ADGRB3: variants seen among roughly 807,000 people sequenced by gnomAD.
ADGRB3 encodes the protein adhesion G protein-coupled receptor B3, also known as brain-specific angiogenesis inhibitor 3.
In ADGRB3, 37 loss-of-function variants were observed where a neutral mutation model predicts 193.4. The ratio of observed to expected loss-of-function variants is 0.19; its 90% confidence interval spans 0.15 to 0.25. The LOEUF is 0.25. Among genes scored for constraint, ADGRB3 ranks in the 10% least tolerant of loss-of-function variants. The pLI, the probability that ADGRB3 is intolerant of heterozygous loss-of-function variation, is 1.00. For synonymous variants in ADGRB3, 690 were observed against 644.2 expected (o/e 1.07, Z -1.08); for missense variants, 1,637 against 1,852.9 (o/e 0.88, Z 2.14).
intron 4 of ADGRB3, among the ~76,000 whole-genome samples, chr6:68,934,997 G>C (rs1207273780): frequency 6.6e-6 from 1 of 152,144 alleles, no homozygotes; most frequent in Non-Finnish European, 1.5e-5. Context: ...TGTCATCCCA[G>C]TTACTATTGT....
Position 69,283,362 on chromosome 6 carries a change from C to A in ADGRB3, c.2815-41510C>A, listed in dbSNP as rs188615423. Among the ~76,000 whole-genome samples the A allele has an allele frequency of 2.8e-4, 43 of 152,240 alleles. No individual in the cohort carries two copies. In the East Asian group the frequency reaches 5.2e-3, roughly 19 times the overall value. On this transcript the variant is annotated intron_variant, in intron 20 of 31. Coordinates refer to ENST00000370598, the MANE Select transcript of ADGRB3 (RefSeq NM_001704.3). ...CCTGCAGACAATTTCATGCTTCACC[C>A]TTTTTCTCAAGGATTGGAGAGGGAG...
chr6:68,845,709 G>C (rs190693549), intron 3 of ADGRB3, among the ~76,000 whole-genome samples: 4 of 152,190 alleles, frequency 2.6e-5, no homozygotes, highest in South Asian at 4.2e-4. Flanking sequence ...TTCACCCTCT[G>C]CCATGATTGT....
chr6:68,698,189 T>C (rs1184741589), intron 3 of ADGRB3, among the ~76,000 whole-genome samples: 1 of 151,950 alleles, frequency 6.6e-6, no homozygotes, highest in Non-Finnish European at 1.5e-5. Context: ...ACAAATTATA[T>C]TTTGATTTCA....
chr6:68,708,270 T>G (rs1765357843), intron 3 of ADGRB3, among the ~76,000 whole-genome samples: 1 of 152,178 alleles, frequency 6.6e-6, no homozygotes, highest in Admixed American at 6.5e-5. Flanking sequence ...CCAAGCTATA[T>G]TATGTTCAAC....
chr6:69,353,125 G>A (rs1381676343), intron 26 of ADGRB3, among the ~76,000 whole-genome samples: 1 of 152,174 alleles, frequency 6.6e-6, no homozygotes, highest in African/African-American at 2.4e-5. Context: ...GGAAAGAACA[G>A]GCTGATGCTG....
chr6:69,290,643 G>T (rs1184443607), intron 20 of ADGRB3, among the ~76,000 whole-genome samples: 1 of 152,110 alleles, frequency 6.6e-6, no homozygotes, highest in Non-Finnish European at 1.5e-5. Flanking sequence ...CTATCACATA[G>T]TTTTTCTCTG....
At chr6:69,047,350 AT>A (rs1420754202) in intron 13 of ADGRB3, among the ~76,000 whole-genome samples, 4 of 151,354 alleles carry the variant, frequency 2.6e-5, no homozygotes, top group Non-Finnish European at 5.9e-5. Context: ...ATTTATCATC[AT>A]AGTTTTATTA....
chr6:69,126,531 G>T (rs1361807905), intron 17 of ADGRB3, among the ~76,000 whole-genome samples: 1 of 152,152 alleles, frequency 6.6e-6, no homozygotes, highest in Non-Finnish European at 1.5e-5. Context: ...ATATCTGAGG[G>T]CAAGAGAAGA....
intron 3 of ADGRB3, among the ~76,000 whole-genome samples, chr6:68,702,841 A>G (rs1582134289): frequency 6.6e-6 from 1 of 152,206 alleles, no homozygotes; most frequent in African/African-American, 2.4e-5. Flanking sequence ...TGGCTGATAC[A>G]TTCGACTGAA....
In ADGRB3 at chr6:68,902,326, T is replaced by C. The variant is rs1389919167; in HGVS notation, c.758-28233T>C. 7.9e-5 allele frequency among the ~76,000 whole-genome samples: 12 copies of C among 152,106 alleles called. 1 individual carries two copies. The highest frequency in any genetic ancestry group is 2.4e-5 in the African/African-American group (1 of 41,450). ...ATTTTTAAGACAATAAATCAAGCCATCTGTAGTAATTTTTTTTTCTGCTTA... is the reference window on the plus strand; with the variant it reads ...ATTTTTAAGACAATAAATCAAGCCACCTGTAGTAATTTTTTTTTCTGCTTA... On this transcript the variant is annotated intron_variant, in intron 3 of 31. Transcript: ENST00000370598.
At position 69,335,809 on chromosome 6, in the gene ADGRB3, A is replaced by C. The variant is rs188441880; in HGVS notation, c.3188+2801A>C. ...ACATATATCAAGCATTTGTTTTACA[A>C]CTAGGTTGTTATTAAAAACCAAATA... On this transcript the variant is annotated intron_variant, in intron 24 of 31. Coordinates refer to ENST00000370598, the MANE Select transcript of ADGRB3 (RefSeq NM_001704.3). 2.4e-4 allele frequency among the ~76,000 whole-genome samples: 36 copies of C among 152,218 alleles called. 1 individual carries two copies. The highest frequency in any genetic ancestry group is 8.2e-4 in the African/African-American group (34 of 41,586).
chr6:69,063,211 T>C (rs1337786213), intron 16 of ADGRB3, among the ~76,000 whole-genome samples, 175 bp downstream of exon 16: 1 of 152,064 alleles, frequency 6.6e-6, no homozygotes, highest in Non-Finnish European at 1.5e-5. Context: ...GCTTTTTTCA[T>C]GATAAAATTC....
At chr6:69,330,453 G>A in intron 22 of ADGRB3, 53 bp from the exon 23 acceptor site, 2 of 1,414,374 alleles carry the variant, frequency 1.4e-6, no homozygotes, top group Non-Finnish European at 2.0e-6. Context: ...ACACGTTAGT[G>A]GTCTAATACT....
chr6:68,998,682 C>G (rs1446596903), intron 11 of ADGRB3, among the ~76,000 whole-genome samples: 4 of 151,960 alleles, frequency 2.6e-5, no homozygotes, highest in Non-Finnish European at 4.4e-5. Context: ...TTTTTGATGC[C>G]AAAACTGAAA....
At chr6:68,767,535 G>A (rs968747768) in intron 3 of ADGRB3, among the ~76,000 whole-genome samples, 3 of 151,962 alleles carry the variant, frequency 2.0e-5, no homozygotes, top group Admixed American at 1.3e-4. Flanking sequence ...TTGATGGATC[G>A]TATCTCAAAA....
At chr6:68,796,428 C>T (rs924778923) in intron 3 of ADGRB3, among the ~76,000 whole-genome samples, 14 of 152,138 alleles carry the variant, frequency 9.2e-5, no homozygotes, top group African/African-American at 3.4e-4. Flanking sequence ...CAAGTATCCT[C>T]ATTATCTTTG....
At chr6:68,780,544 G>A (rs1766832906) in intron 3 of ADGRB3, among the ~76,000 whole-genome samples, 1 of 152,072 alleles carries the variant, frequency 6.6e-6, no homozygotes. Context: ...TGTTTGTGGA[G>A]TGATTAAGAA....
chr6:68,960,917 T>C (rs921765870), intron 8 of ADGRB3, among the ~76,000 whole-genome samples: 5 of 152,174 alleles, frequency 3.3e-5, no homozygotes, highest in African/African-American at 1.2e-4. Context: ...CACTAACTTA[T>C]AGTAAAAATA....
chr6:68,869,127 AAATT>A (rs1765390490), intron 3 of ADGRB3, among the ~76,000 whole-genome samples: 4 of 152,162 alleles, frequency 2.6e-5, no homozygotes, highest in South Asian at 2.1e-4. Flanking sequence ...CATTAGAGAG[AAATT>A]AATTACAAGA....
Sources: allele counts gnomAD v4.1 joint callset (sites outside exome capture counted in the v4.1 genomes callset), GRCh38; gene constraint gnomAD v4.1.1; transcripts MANE v1.5; gene names NCBI Gene and HGNC (gene_info 2026-07-23, HGNC 2026-07-21).